Variants in ITGA9 observed in about 807,000 individuals in gnomAD.
ITGA9 encodes the protein integrin alpha-9.
A neutral mutation model predicts 127.8 loss-of-function variants in ITGA9; 56 were observed. The ratio of observed to expected loss-of-function variants is 0.44; its 90% CI spans 0.35 to 0.55. ITGA9 has a LOEUF of 0.55. Ranked by LOEUF, ITGA9 falls within the 20% of genes least tolerant of loss-of-function variation. The pLI is 0.00. For synonymous variants in ITGA9, 508 were observed against 514.5 expected (o/e 0.99, Z 0.17); for missense variants, 1,196 against 1,347.1 (o/e 0.89, Z 1.76).
At chr3:37,577,693 C>T (rs1264534545) in intron 15 of ITGA9, among the ~76,000 whole-genome samples, 1 of 152,204 alleles carries the variant, frequency 6.6e-6, no homozygotes, top group Non-Finnish European at 1.5e-5. Context: ...GGTTGTGGTA[C>T]AAGAGGAGCA....
intron 18 of ITGA9, among the ~76,000 whole-genome samples, chr3:37,711,517 C>T (rs888359491): frequency 5.9e-5 from 9 of 152,214 alleles, no homozygotes; most frequent in Non-Finnish European, 1.2e-4. Flanking sequence ...AATCCTTCCA[C>T]CTCAGCCTCT....
chr3:37,683,959 G>T lies in ITGA9; in HGVS notation c.2011G>T (p.Ala671Ser), dbSNP rs1700757549. 1 of 1,613,842 alleles carries T rather than the reference G, an allele frequency of 6.2e-7. No homozygotes were observed. The highest frequency in any genetic ancestry group is 1.1e-5 in the South Asian group (1 of 91,066). The change falls in exon 18 of 28, where the codon GCC becomes TCC. Residue 671 changes from alanine to serine, a missense_variant. Coordinates refer to ENST00000264741, the MANE Select transcript of ITGA9 (RefSeq NM_002207.3). ...CAACCTCGGAGATGATGCCTATGAT[G>T]CCAACGTGTCCTTCAATGTTTCCCG... ...ISNLGDDAYD[A>S]NVSFNVSREL...
intron 15 of ITGA9, among the ~76,000 whole-genome samples, chr3:37,591,404 C>T (rs1331882878): frequency 6.6e-6 from 1 of 152,192 alleles, no homozygotes; most frequent in Non-Finnish European, 1.5e-5. Flanking sequence ...TGTACCCCAC[C>T]CTTAGCCATT....
chr3:37,676,185 C>T (rs2125658961), intron 17 of ITGA9, among the ~76,000 whole-genome samples: 1 of 152,232 alleles, frequency 6.6e-6, no homozygotes, highest in East Asian at 1.9e-4. Flanking sequence ...ACTGGTGAAA[C>T]AAATTTAATG....
intron 4 of ITGA9, among the ~76,000 whole-genome samples, chr3:37,484,907 A>G (rs992281362): frequency 6.6e-6 from 1 of 152,236 alleles, no homozygotes; most frequent in Non-Finnish European, 1.5e-5. Flanking sequence ...ATATATACTA[A>G]TATGCCATGT....
At chr3:37,502,051 A>G (rs757816970) in intron 5 of ITGA9, among the ~76,000 whole-genome samples, 5 of 152,184 alleles carry the variant, frequency 3.3e-5, no homozygotes, top group Non-Finnish European at 7.3e-5. Flanking sequence ...ACCCCAGCAG[A>G]TATCTGTGCT....
chr3:37,544,441 G>GAT (rs1466127688), intron 15 of ITGA9, among the ~76,000 whole-genome samples: 2 of 152,160 alleles, frequency 1.3e-5, no homozygotes, highest in African/African-American at 4.8e-5. Context: ...TATTGCATGG[G>GAT]ATATACTTAT....
chr3:37,757,647 A>G (rs1245988890), intron 23 of ITGA9, among the ~76,000 whole-genome samples: 1 of 151,820 alleles, frequency 6.6e-6, no homozygotes, highest in East Asian at 1.9e-4. Flanking sequence ...CCTGTCTCAA[A>G]AAAACAAAAA....
At chr3:37,486,754 C>T (rs546499257) in intron 4 of ITGA9, among the ~76,000 whole-genome samples, 2 of 152,162 alleles carry the variant, frequency 1.3e-5, no homozygotes, top group Non-Finnish European at 2.9e-5. Flanking sequence ...TTGTAGATGA[C>T]CTAAAACTTT....
At chr3:37,520,206 G>T (rs749763088) in intron 11 of ITGA9, among the ~76,000 whole-genome samples, 11 of 152,302 alleles carry the variant, frequency 7.2e-5, no homozygotes, top group African/African-American at 2.6e-4. Context: ...GTGGAGGGTT[G>T]GTTGGTTGTC....
chr3:37,485,475 A>G (rs1167265472), intron 4 of ITGA9, among the ~76,000 whole-genome samples: 1 of 152,010 alleles, frequency 6.6e-6, no homozygotes, highest in Non-Finnish European at 1.5e-5. Context: ...CGATGCTGTG[A>G]TGCCTCCACT....
At chr3:37,546,342 GC>G (rs2125592751) in intron 15 of ITGA9, among the ~76,000 whole-genome samples, 1 of 152,296 alleles carries the variant, frequency 6.6e-6, no homozygotes, top group East Asian at 1.9e-4. Flanking sequence ...TCTTCCTGAT[GC>G]AACCAGAAGG....
intron 15 of ITGA9, among the ~76,000 whole-genome samples, chr3:37,620,550 C>G (rs1013086249): frequency 6.6e-6 from 1 of 152,176 alleles, no homozygotes; most frequent in Non-Finnish European, 1.5e-5. Context: ...TCTGAGAAAA[C>G]AAGCTCAGAG....
At chr3:37,600,053 A>T (rs1443794902) in intron 15 of ITGA9, among the ~76,000 whole-genome samples, 1 of 152,174 alleles carries the variant, frequency 6.6e-6, no homozygotes, top group East Asian at 1.9e-4. Flanking sequence ...ATCCTTGCAG[A>T]AGTCACTATG....
intron 17 of ITGA9, among the ~76,000 whole-genome samples, chr3:37,682,731 G>C (rs1008833567): frequency 6.6e-6 from 1 of 152,054 alleles, no homozygotes; most frequent in Non-Finnish European, 1.5e-5. Context: ...TTCTCTTCTA[G>C]TTATTGAATC....
chr3:37,584,694 G>A (rs979285233), intron 15 of ITGA9, among the ~76,000 whole-genome samples: 3 of 152,090 alleles, frequency 2.0e-5, no homozygotes, highest in Admixed American at 2.0e-4. Context: ...GACGGAGGTT[G>A]CAGTGAGCCA....
chr3:37,566,442 G>A (rs193246403), intron 15 of ITGA9, among the ~76,000 whole-genome samples: 1 of 152,176 alleles, frequency 6.6e-6, no homozygotes, highest in African/African-American at 2.4e-5. Flanking sequence ...CCTTTACCCG[G>A]CTTTTCCCAA....
intron 15 of ITGA9, among the ~76,000 whole-genome samples, chr3:37,559,500 TA>T (rs962215106): frequency 6.6e-6 from 1 of 152,230 alleles, no homozygotes; most frequent in African/African-American, 2.4e-5. Flanking sequence ...GAGTCCTCTG[TA>T]AATCCACTGA....
At chr3:37,616,283 A>C (rs1262459224) in intron 15 of ITGA9, among the ~76,000 whole-genome samples, 2 of 152,014 alleles carry the variant, frequency 1.3e-5, no homozygotes, top group Non-Finnish European at 2.9e-5. Context: ...TTTTGAGTGA[A>C]TTTCTTAATC....
Sources: gnomAD v4.1 joint callset for allele counts (sites outside exome capture counted in the v4.1 genomes callset) on GRCh38, gnomAD v4.1.1 for gene constraint, MANE v1.5 for transcripts, NCBI Gene and HGNC (gene_info 2026-07-23, HGNC 2026-07-21) for gene names.